NRF1: variants seen among roughly 807,000 people sequenced by gnomAD.
NRF1 encodes the protein nuclear respiratory factor 1, also known as alpha palindromic-binding protein.
Under a neutral mutation model 58.5 loss-of-function variants are expected in NRF1, and 5 were observed. The ratio of observed to expected loss-of-function variants is 0.09; its 90% CI spans 0.04 to 0.18. The LOEUF is 0.18. Among genes scored for constraint, NRF1 ranks in the 10% least tolerant of loss-of-function variants. NRF1 has a pLI of 1.00. For missense variants in NRF1, 288 were observed against 657.7 expected (o/e 0.44, Z 6.15); for synonymous variants, 224 against 246.7 (o/e 0.91, Z 0.86).
chr7:129,723,695 C>T (rs1323465918), intron 9 of NRF1, among the ~76,000 whole-genome samples: 1 of 152,154 alleles, frequency 6.6e-6, no homozygotes, highest in Non-Finnish European at 1.5e-5. Context: ...GGTGTTGGCA[C>T]CCTTGTCAAA....
In NRF1 at chr7:129,744,038, G is replaced by A. The variant is rs139150461; in HGVS notation, c.1349-10980G>A. On this transcript the variant is annotated intron_variant, in intron 10 of 10. Coordinates refer to ENST00000393232, the MANE Select transcript of NRF1 (RefSeq NM_005011.5). ...CATGCTTGCCGAAGGCTTTCCTCAC[G>A]GGTGGAAGGAGCGAGGCTGTGCACC... 2,026 of 671,676 alleles carry A rather than the reference G, an allele frequency of 3.0e-3. 6 individuals are homozygous for A. The highest frequency in any genetic ancestry group is 4.2e-3 in the Non-Finnish European group (1,776 of 419,184). The allele number at this position is 671,676 out of a possible 1,614,324, so 41.6% of individuals were successfully genotyped here. A position where few individuals can be genotyped will look rare whatever the true frequency, so the allele number is the denominator to read the frequency against.
intron 1 of NRF1, among the ~76,000 whole-genome samples, chr7:129,642,762 T>C (rs1271272618): frequency 4.0e-5 from 6 of 148,660 alleles, no homozygotes; most frequent in African/African-American, 1.5e-4. Flanking sequence ...AAAAAATTTT[T>C]TTTTTTTTTT....
intron 10 of NRF1, among the ~76,000 whole-genome samples, chr7:129,743,279 T>A (rs1399384129): frequency 6.6e-6 from 1 of 152,178 alleles, no homozygotes; most frequent in East Asian, 1.9e-4. Context: ...AATTAAACTT[T>A]CACAGCCCTG....
intron 1 of NRF1, 47 bp from the exon 2 acceptor site, chr7:129,657,299 A>G (rs1000099734): frequency 1.5e-6 from 2 of 1,338,198 alleles, no homozygotes; most frequent in African/African-American, 2.9e-5. Context: ...ACATTGTGTT[A>G]TATTACACAC....
intron 1 of NRF1, among the ~76,000 whole-genome samples, chr7:129,623,490 A>G (rs552795556): frequency 1.1e-4 from 17 of 152,110 alleles, no homozygotes; most frequent in African/African-American, 3.9e-4. Context: ...GAAATATGTG[A>G]TATATATAAT....
chr7:129,702,741 A>C (rs7800226), intron 5 of NRF1, among the ~76,000 whole-genome samples: 28,745 of 152,148 alleles, frequency 0.19, 2,949 homozygotes, highest in East Asian at 0.47. Context: ...ATACAAACAT[A>C]ACCTTTCAAC....
chr7:129,744,254 G>GGAA (rs1803918946), intron 10 of NRF1: 4 of 1,543,088 alleles, frequency 2.6e-6, no homozygotes, highest in Non-Finnish European at 3.5e-6. Context: ...GGGGAAAGAA[G>GGAA]GAAGCAGCTG....
rs565973357 is a variant in NRF1, at chr7:129,706,254, A to G, written c.607-2821A>G. 9.9e-5 allele frequency among the ~76,000 whole-genome samples: 15 copies of G among 152,276 alleles called. No individual in the cohort carries two copies. The East Asian group carries it at 2.5e-3, about 26-fold the overall frequency. ...CTAGTTTAGTTGCCATAGTTAAAAG[A>G]CATTTGGAGGTGTTTTGAGCATTGG... On this transcript the variant is annotated intron_variant, in intron 5 of 10. Coordinates refer to ENST00000393232, the MANE Select transcript of NRF1 (RefSeq NM_005011.5).
At chr7:129,651,840 T>A (rs1801545430) in intron 1 of NRF1, among the ~76,000 whole-genome samples, 1 of 152,240 alleles carries the variant, frequency 6.6e-6, no homozygotes, top group East Asian at 1.9e-4. Context: ...TTGGATATTC[T>A]GAAACTCACA....
intron 5 of NRF1, among the ~76,000 whole-genome samples, chr7:129,694,570 G>A (rs150550980): frequency 0.015 from 2,339 of 152,186 alleles, 58 homozygotes; most frequent in African/African-American, 0.054. Context: ...GTTTCACCAC[G>A]TTGACCAGAC....
At chr7:129,747,435 G>T (rs1318865707) in intron 10 of NRF1, among the ~76,000 whole-genome samples, 1 of 152,170 alleles carries the variant, frequency 6.6e-6, no homozygotes, top group Non-Finnish European at 1.5e-5. Flanking sequence ...AAGGAGATCT[G>T]TGTTGTCTCT....
intron 1 of NRF1, among the ~76,000 whole-genome samples, chr7:129,637,543 T>C (rs1013171593): frequency 3.9e-5 from 6 of 152,156 alleles, no homozygotes; most frequent in African/African-American, 1.4e-4. Flanking sequence ...TAATCCATAA[T>C]TCTATTTTGC....
chr7:129,664,260 A>G (rs1302430456), intron 2 of NRF1, among the ~76,000 whole-genome samples: 2 of 152,160 alleles, frequency 1.3e-5, no homozygotes, highest in Non-Finnish European at 2.9e-5. Context: ...TATATCTTTC[A>G]CTTTCCTGTT....
At chr7:129,653,436 C>T (rs1801581267) in intron 1 of NRF1, among the ~76,000 whole-genome samples, 1 of 152,112 alleles carries the variant, frequency 6.6e-6, no homozygotes, top group African/African-American at 2.4e-5. Flanking sequence ...AATTGATGAG[C>T]CCACATTGAC....
intron 8 of NRF1, among the ~76,000 whole-genome samples, chr7:129,715,078 A>G (rs766976869): frequency 2.6e-5 from 4 of 152,212 alleles, no homozygotes; most frequent in Non-Finnish European, 4.4e-5. Flanking sequence ...GTAGTTAATC[A>G]ACCAGTATTT....
At chr7:129,624,014 A>G (rs1800862268) in intron 1 of NRF1, among the ~76,000 whole-genome samples, 2 of 152,238 alleles carry the variant, frequency 1.3e-5, no homozygotes, top group African/African-American at 2.4e-5. Flanking sequence ...AATCCACCAC[A>G]ATGATTGCTT....
intron 10 of NRF1, among the ~76,000 whole-genome samples, chr7:129,743,176 A>T (rs199826426): frequency 3.4e-4 from 3 of 8,828 alleles, no homozygotes; most frequent in African/African-American, 1.3e-4. Context: ...CCCCTTGTTT[A>T]AAAAAAAAAA....
chr7:129,612,361 G>C (rs916091615), intron 1 of NRF1, among the ~76,000 whole-genome samples: 1 of 152,130 alleles, frequency 6.6e-6, no homozygotes, highest in Non-Finnish European at 1.5e-5. Flanking sequence ...TCTCCTGCGG[G>C]AGAGGAGGCT....
At chr7:129,694,434 G>A (rs970795454) in intron 5 of NRF1, among the ~76,000 whole-genome samples, 2 of 151,956 alleles carry the variant, frequency 1.3e-5, no homozygotes, top group African/African-American at 4.8e-5. Context: ...GCACGATCTC[G>A]GCTCACTGCA....
Sources: allele counts gnomAD v4.1 joint callset (sites outside exome capture counted in the v4.1 genomes callset), GRCh38; gene constraint gnomAD v4.1.1; transcripts MANE v1.5; gene names NCBI Gene and HGNC (gene_info 2026-07-23, HGNC 2026-07-21).